PSD3: variants seen among roughly 807,000 people sequenced by gnomAD.
PSD3 encodes PH and SEC7 domain-containing protein 3.
PSD3 carries 49 observed loss-of-function variants against 105.5 expected under a neutral mutation model. The observed-to-expected ratio is 0.46, with a 90% confidence interval of 0.37 to 0.59. The LOEUF is 0.59. Among genes scored for constraint, PSD3 ranks in the 20% least tolerant of loss-of-function variants. PSD3 has a pLI of 0.00. For synonymous variants in PSD3, 557 were observed against 457.8 expected, an observed-to-expected ratio of 1.22 and a Z score of -2.77; for missense variants, 1,561 against 1,263.8, an observed-to-expected ratio of 1.24 and a Z score of -3.57.
chr8:18,893,459 A>G (rs1818943416), intron 2 of PSD3, among the ~76,000 whole-genome samples: 1 of 152,198 alleles, frequency 6.6e-6, no homozygotes, highest in Admixed American at 6.5e-5. Flanking sequence ...CTTTGGTTAA[A>G]TTAGGTTTGT....
intron 10 of PSD3, among the ~76,000 whole-genome samples, chr8:18,635,569 C>A (rs1314332056): frequency 6.6e-6 from 1 of 152,004 alleles, no homozygotes; most frequent in Non-Finnish European, 1.5e-5. Flanking sequence ...TCAGGCAGGT[C>A]TTTCAGTAGG....
chr8:18,951,087 G>A (rs964717545), intron 1 of PSD3, among the ~76,000 whole-genome samples: 2 of 152,118 alleles, frequency 1.3e-5, no homozygotes, highest in Admixed American at 6.6e-5. Flanking sequence ...GGAACTATAT[G>A]AGTATACAAC....
At chr8:18,838,005 T>C (rs1814266016) in intron 4 of PSD3, among the ~76,000 whole-genome samples, 1 of 152,184 alleles carries the variant, frequency 6.6e-6, no homozygotes, top group African/African-American at 2.4e-5. Flanking sequence ...TGTAAATACC[T>C]GTCGTGTACA....
intron 9 of PSD3, among the ~76,000 whole-genome samples, chr8:18,731,093 T>TA (rs1206223468): frequency 8.6e-5 from 3 of 35,082 alleles, no homozygotes; most frequent in African/African-American, 2.5e-4. Flanking sequence ...CTGTCTCTAA[T>TA]AAAAATACAA....
chr8:18,596,389 G>C (rs1397742288), intron 12 of PSD3, among the ~76,000 whole-genome samples: 2 of 151,514 alleles, frequency 1.3e-5, no homozygotes, highest in African/African-American at 2.4e-5. Context: ...GATTAGAGCA[G>C]AAATAAACGA....
At chr8:18,857,133 C>T (rs73666734) in intron 4 of PSD3, among the ~76,000 whole-genome samples, 6,767 of 152,240 alleles carry the variant, frequency 0.044, 504 homozygotes, top group African/African-American at 0.15. Flanking sequence ...ACTCACTTTC[C>T]CAAACCTCTG....
intron 9 of PSD3, among the ~76,000 whole-genome samples, chr8:18,664,630 G>A (rs1478922650): frequency 2.6e-5 from 4 of 152,228 alleles, no homozygotes; most frequent in African/African-American, 9.6e-5. Context: ...GATCACTGAT[G>A]AAGGTGGCTA....
intron 4 of PSD3, among the ~76,000 whole-genome samples, chr8:18,846,938 A>G (rs144485830): frequency 0.013 from 1,971 of 152,280 alleles, 46 homozygotes; most frequent in African/African-American, 0.044. Context: ...CATGTGAAGT[A>G]CCAGGAAAAC....
chr8:18,761,561 A>T (rs1199460265), intron 9 of PSD3, among the ~76,000 whole-genome samples: 1 of 152,216 alleles, frequency 6.6e-6, no homozygotes, highest in Non-Finnish European at 1.5e-5. Context: ...ATTAGAACCC[A>T]GTCAGTACAG....
upstream of PSD3, among the ~76,000 whole-genome samples, chr8:19,014,763 G>A (rs369228486): frequency 6.6e-6 from 1 of 152,144 alleles, no homozygotes; most frequent in Non-Finnish European, 1.5e-5. This position sits in a 1 kb window ranked among gnomAD's most constrained non-coding sequence, Gnocchi z 4.9. Context: ...CCACGATCTC[G>A]CCCACCATGT....
At chr8:18,677,575 G>A (rs1447794989) in intron 9 of PSD3, among the ~76,000 whole-genome samples, 1 of 152,134 alleles carries the variant, frequency 6.6e-6, no homozygotes, top group Non-Finnish European at 1.5e-5. Context: ...GGGCAAGTCT[G>A]ACTCAAGTCA....
At chr8:18,932,259 G>A (rs1821799801) in intron 2 of PSD3, among the ~76,000 whole-genome samples, 1 of 152,164 alleles carries the variant, frequency 6.6e-6, no homozygotes, top group African/African-American at 2.4e-5. Context: ...CCTGTCGTAG[G>A]CTGGGACCCA....
intron 8 of PSD3, among the ~76,000 whole-genome samples, chr8:18,778,754 A>G (rs1671503353): frequency 1.3e-5 from 2 of 152,032 alleles, no homozygotes; most frequent in African/African-American, 4.8e-5. Context: ...GTGACGTATC[A>G]TGTTTATTGA....
intron 8 of PSD3, among the ~76,000 whole-genome samples, chr8:18,785,323 A>G (rs1011932807): frequency 6.6e-6 from 1 of 152,198 alleles, no homozygotes; most frequent in African/African-American, 2.4e-5. Context: ...ATTCTACATT[A>G]GCACTTGCTG....
At chr8:18,555,402 G>A (rs769660646) in intron 15 of PSD3, among the ~76,000 whole-genome samples, 1 of 151,468 alleles carries the variant, frequency 6.6e-6, no homozygotes, top group Non-Finnish European at 1.5e-5. Flanking sequence ...ACAGCTAAAG[G>A]CAGATTCAGC....
At chr8:19,029,440 T>C (rs1002716708) in intron 1 of PSD3, among the ~76,000 whole-genome samples, 2 of 152,190 alleles carry the variant, frequency 1.3e-5, no homozygotes, top group Admixed American at 1.3e-4. Context: ...GGAAAGAGGT[T>C]TCATTGAATC....
At chr8:18,553,274 C>A (rs1263409589) in intron 15 of PSD3, among the ~76,000 whole-genome samples, 2 of 152,176 alleles carry the variant, frequency 1.3e-5, no homozygotes, top group African/African-American at 2.4e-5. Flanking sequence ...CCCATTCATG[C>A]CTATGATCTT....
At chr8:18,902,044 G>A (rs914912391) in intron 2 of PSD3, among the ~76,000 whole-genome samples, 1 of 152,136 alleles carries the variant, frequency 6.6e-6, no homozygotes, top group African/African-American at 2.4e-5. Context: ...CTTTTTGGGT[G>A]GAATTTATTT....
At chr8:19,035,649 CG>C (rs1463013059) in intron 1 of PSD3, among the ~76,000 whole-genome samples, 1 of 151,452 alleles carries the variant, frequency 6.6e-6, no homozygotes, top group Non-Finnish European at 1.5e-5. Flanking sequence ...CCCAAAGTTA[CG>C]TTTTTTTTGG....
Sources: gnomAD v4.1 joint callset for allele counts (sites outside exome capture counted in the v4.1 genomes callset) on GRCh38, gnomAD v4.1.1 for gene constraint, Gnocchi (gnomAD v3.1) non-coding constraint, MANE v1.5 for transcripts, NCBI Gene and HGNC (gene_info 2026-07-23, HGNC 2026-07-21) for gene names.